The following TTLL11 variants were observed in gnomAD, a reference collection of about 807,000 sequenced individuals.
TTLL11 encodes tubulin tyrosine ligase like 11.
Under a neutral mutation model 51.7 loss-of-function variants are expected in TTLL11, and 42 were observed. The observed-to-expected ratio is 0.81, with a 90% CI of 0.64 to 1.05. The LOEUF (loss-of-function observed/expected upper bound fraction) is 1.05. Ranked by LOEUF, TTLL11 falls within the 50% of genes least tolerant of loss-of-function variation. The pLI is 0.00. For synonymous variants in TTLL11, 381 were observed against 383.5 expected (o/e 0.99, Z 0.08); for missense variants, 799 against 940.4 (o/e 0.85, Z 1.97).
chr9:121,863,988 G>A (rs1171345012), intron 7 of TTLL11, among the ~76,000 whole-genome samples: 1 of 152,218 alleles, frequency 6.6e-6, no homozygotes, highest in Non-Finnish European at 1.5e-5. Context: ...AAGGGTTGGA[G>A]CCTCTAAAGC....
intron 3 of TTLL11, among the ~76,000 whole-genome samples, chr9:122,001,385 T>A (rs1397367897): frequency 1.3e-5 from 2 of 152,126 alleles, no homozygotes; most frequent in African/African-American, 4.8e-5. Flanking sequence ...CTTCCAGGCG[T>A]GAGCCACCGC....
intron 8 of TTLL11, among the ~76,000 whole-genome samples, chr9:121,828,456 T>C (rs1222292166): frequency 6.6e-6 from 1 of 152,314 alleles, no homozygotes; most frequent in East Asian, 1.9e-4. Context: ...ATTACAGGCA[T>C]GAGCCACCAT....
chr9:121,873,862 A>G (rs1838461775), intron 6 of TTLL11, among the ~76,000 whole-genome samples: 1 of 129,632 alleles, frequency 7.7e-6, no homozygotes, highest in South Asian at 2.5e-4. Context: ...TTTGAGAGAC[A>G]GAGTCTTGCT....
chr9:122,089,741 C>T (rs1311295023), intron 1 of TTLL11, among the ~76,000 whole-genome samples: 1 of 152,158 alleles, frequency 6.6e-6, no homozygotes, highest in African/African-American at 2.4e-5. Context: ...GTAATAATCA[C>T]AAGCCTAATA....
Position 121,822,714 on chromosome 9 carries a change from C to T in TTLL11, c.2006G>A (p.Gly669Glu), listed in dbSNP as rs771770451. 5.2e-6 allele frequency: 8 copies of T among 1,550,574 alleles called. No individual in the cohort carries two copies. Among genetic ancestry groups the T allele is most frequent in the Middle Eastern group, 1.8e-4 (1 of 5,566 alleles). Residue 669 changes from glycine to glutamate, a missense_variant, in exon 9 of 9, where the codon GGG (glycine) becomes GAG (glutamate). By Grantham distance (98) the Gly-to-Glu change is moderately conservative. Coordinates refer to ENST00000321582, the MANE Select transcript of TTLL11 (RefSeq NM_001139442.2). This position sits in a 1 kb window ranked among gnomAD's most constrained non-coding sequence, Gnocchi z 5.8. The part of the protein sequence containing the change: ...RLVCGRGVPS[G>E]GRPPHRGPPQ... The stretch of plus-strand genomic sequence containing the variant: ...AGGGCCACGGTGTGGGGGCCGGCCC[C>T]CCGACGGGACGCCCCGGCCACACAC...
At chr9:121,835,243 C>T (rs1346814092) in intron 8 of TTLL11, among the ~76,000 whole-genome samples, 3 of 152,186 alleles carry the variant, frequency 2.0e-5, no homozygotes, top group Non-Finnish European at 4.4e-5. Context: ...CTCGGCATTA[C>T]CATGTCCTAC....
chr9:121,891,482 C>T (rs1362902635), intron 6 of TTLL11, among the ~76,000 whole-genome samples: 2 of 152,168 alleles, frequency 1.3e-5, no homozygotes, highest in African/African-American at 4.8e-5. Flanking sequence ...TAGAAGCCAC[C>T]AGCTGAAGTC....
At chr9:121,993,127 G>A (rs1843160824) in intron 3 of TTLL11, among the ~76,000 whole-genome samples, 1 of 152,150 alleles carries the variant, frequency 6.6e-6, no homozygotes, top group South Asian at 2.1e-4. Context: ...GGGCTGGGGT[G>A]GGAGGGAATG....
At chr9:121,951,373 A>G (rs935088950) in intron 6 of TTLL11, among the ~76,000 whole-genome samples, 3 of 152,216 alleles carry the variant, frequency 2.0e-5, no homozygotes, top group African/African-American at 7.2e-5. Context: ...AAATAAGCCT[A>G]AAGAGAGAGC....
chr9:122,084,046 TG>T (rs1846061124), intron 1 of TTLL11, among the ~76,000 whole-genome samples: 1 of 152,252 alleles, frequency 6.6e-6, no homozygotes, highest in African/African-American at 2.4e-5. Flanking sequence ...GGTCCACTGT[TG>T]TTTTTTAAAA....
chr9:122,092,721 A>G lies in TTLL11; in HGVS notation c.428T>C (p.Leu143Pro). The G allele has an allele frequency of 6.5e-7, 1 of 1,537,726 alleles. No homozygotes were observed. The highest frequency in any genetic ancestry group is 8.7e-7 in the Non-Finnish European group (1 of 1,147,226). ...CTTGAGCTGGCGGATGCTGATCTTC[A>G]GGGCATCCAGGGAGGTCCTGGCCTT... ...SSKARTSLDALKISIRQLKWK... is the reference protein window; with the variant it reads ...SSKARTSLDAPKISIRQLKWK... The change falls in exon 1 of 9, where the codon CTG (leucine) becomes CCG (proline). Residue 143 changes from leucine (L) to proline (P), a missense_variant. Around this residue, in one of 3 missense-constraint regions of TTLL11, gnomAD observed 468 missense variants for 612.8 expected, o/e 0.76. Coordinates refer to ENST00000321582, the MANE Select transcript of TTLL11 (RefSeq NM_001139442.2).
intron 3 of TTLL11, among the ~76,000 whole-genome samples, chr9:122,026,373 G>T (rs1844338378): frequency 1.3e-5 from 2 of 151,540 alleles, no homozygotes; most frequent in Non-Finnish European, 2.9e-5. Context: ...GGGAGGTGGA[G>T]GTTGTAGTGA....
At chr9:122,024,192 C>T (rs1844263664) in intron 3 of TTLL11, among the ~76,000 whole-genome samples, 1 of 151,928 alleles carries the variant, frequency 6.6e-6, no homozygotes, top group Non-Finnish European at 1.5e-5. Context: ...TAAAACACTG[C>T]CAATATATCA....
chr9:121,983,899 G>A (rs186967677), intron 4 of TTLL11, among the ~76,000 whole-genome samples: 2 of 152,246 alleles, frequency 1.3e-5, no homozygotes, highest in African/African-American at 4.8e-5. Flanking sequence ...CAGGGAATGT[G>A]TTAGAGTCCA....
intron 6 of TTLL11, among the ~76,000 whole-genome samples, chr9:121,931,996 G>C (rs955536256): frequency 1.3e-5 from 2 of 152,152 alleles, no homozygotes; most frequent in Admixed American, 6.5e-5. Flanking sequence ...GTCCTCCCCA[G>C]GTTCTTCAAT....
At chr9:121,975,070 C>T in intron 4 of TTLL11, 91 bp from the exon 5 acceptor site, 1 of 967,340 alleles carries the variant, frequency 1.0e-6, no homozygotes, top group Non-Finnish European at 1.4e-6. Context: ...ACTCAGTCCC[C>T]AACCTTGGCC....
intron 7 of TTLL11, among the ~76,000 whole-genome samples, chr9:121,867,608 G>C (rs1485629651): frequency 6.6e-6 from 1 of 152,056 alleles, no homozygotes; most frequent in Non-Finnish European, 1.5e-5. Flanking sequence ...CTAAATTTGG[G>C]CTATGCATGC....
rs949753541 is a variant in TTLL11 at position 121,995,754 on chromosome 9, G to C, written c.694-5984C>G. Among the ~76,000 whole-genome samples the C allele has an allele frequency of 6.6e-6, 1 of 152,124 alleles. No homozygotes were observed. The highest frequency in any genetic ancestry group is 6.6e-5 in the Admixed American group (1 of 15,262). On this transcript the variant is annotated intron_variant, in intron 3 of 8. Transcript: ENST00000321582. This position sits in a 1 kb window ranked among gnomAD's most constrained non-coding sequence, Gnocchi z 4.4. ...TCATCGGAACCAGGCCAGGTTGTCC[G>C]ATATCTCCTACAGATGATTAATTCT...
intron 6 of TTLL11, among the ~76,000 whole-genome samples, chr9:121,880,892 C>T (rs1370523547): frequency 6.6e-6 from 1 of 152,212 alleles, no homozygotes; most frequent in Admixed American, 6.5e-5. Context: ...GGGATTGGAA[C>T]CTGGGTGGTC....
Sources: gnomAD v4.1 joint callset for allele counts (sites outside exome capture counted in the v4.1 genomes callset) on GRCh38, gnomAD v4.1.1 for gene constraint, gnomAD v4.1.1 regional missense constraint, Gnocchi (gnomAD v3.1) non-coding constraint, MANE v1.5 for transcripts, NCBI Gene and HGNC (gene_info 2026-07-23, HGNC 2026-07-21) for gene names.